Variants in UNC5D observed in about 807,000 individuals in gnomAD.
UNC5D encodes unc-5 netrin receptor D.
UNC5D carries 39 observed loss-of-function variants against 105.4 expected under a neutral mutation model. That is an observed-to-expected ratio of 0.37 (90% CI 0.29 to 0.48). The LOEUF (loss-of-function observed/expected upper bound fraction) is 0.48. Among genes scored for constraint, UNC5D ranks in the 20% least tolerant of loss-of-function variants. The pLI is 0.98. For missense variants in UNC5D, 991 were observed against 1,202.4 expected (o/e 0.82, Z 2.60); for synonymous variants, 452 against 450.4 (o/e 1.00, Z -0.04).
chr8:35,742,504 C>T (rs1446790778), intron 11 of UNC5D, among the ~76,000 whole-genome samples: 1 of 152,086 alleles, frequency 6.6e-6, no homozygotes, highest in African/African-American at 2.4e-5. Context: ...TATCATTACT[C>T]TCCTGCCTGG....
intron 3 of UNC5D, among the ~76,000 whole-genome samples, chr8:35,570,876 T>A (rs1280285054): frequency 6.6e-6 from 1 of 151,978 alleles, no homozygotes; most frequent in Non-Finnish European, 1.5e-5. Context: ...GAGAATCACT[T>A]GAACCCGGGA....
intron 1 of UNC5D, among the ~76,000 whole-genome samples, chr8:35,361,838 T>C (rs1230383229): frequency 6.6e-6 from 1 of 152,156 alleles, no homozygotes; most frequent in Non-Finnish European, 1.5e-5. Context: ...ACAGCCCAAA[T>C]GAGTAAAAGA....
chr8:35,478,074 T>C (rs1810240269), intron 1 of UNC5D, among the ~76,000 whole-genome samples: 1 of 152,192 alleles, frequency 6.6e-6, no homozygotes. Flanking sequence ...ATTCATGCAC[T>C]GACCAATTCT....
chr8:35,721,976 C>A (rs1828607130), intron 8 of UNC5D, among the ~76,000 whole-genome samples: 1 of 152,220 alleles, frequency 6.6e-6, no homozygotes, highest in Non-Finnish European at 1.5e-5. Flanking sequence ...CTATTACATG[C>A]TAAGCTACCT....
intron 1 of UNC5D, among the ~76,000 whole-genome samples, chr8:35,461,825 T>C (rs1808915646): frequency 6.6e-6 from 1 of 152,158 alleles, no homozygotes. Context: ...GTGATAAGAA[T>C]TGAAATTAGA....
Position 35,759,453 on chromosome 8 carries a change from CA to C in UNC5D, c.2298del (p.Phe767SerfsTer59). 6.2e-7 allele frequency: 1 copy of C among 1,613,534 alleles called. No homozygotes were observed. The highest frequency in any genetic ancestry group is 8.5e-7 in the Non-Finnish European group (1 of 1,179,838). ...DIPPFLWRIK[P>X]FTACQEVPFS... ...CCCCCATTCCTCTGGAGAATTAAAC[CA>C]TTCACTGCCTGCCAGGTACTGGCCA... On this transcript the variant is annotated frameshift_variant, in exon 14 of 17. Coordinates refer to ENST00000404895, the MANE Select transcript of UNC5D (RefSeq NM_080872.4). LOFTEE classifies it high-confidence loss of function.
chr8:35,235,958 C>A, intron 1 of UNC5D, 71 bp downstream of exon 1: 1 of 1,189,640 alleles, frequency 8.4e-7, no homozygotes, highest in Non-Finnish European at 1.1e-6. Context: ...GCGGGACCTG[C>A]ACCGATGGCG....
intron 16 of UNC5D, among the ~76,000 whole-genome samples, chr8:35,782,502 A>ATTT (rs939339572): frequency 2.9e-5 from 4 of 138,202 alleles, no homozygotes; most frequent in East Asian, 2.1e-4. Flanking sequence ...CTACTCAAAA[A>ATTT]TTTTTTTTTT....
intron 3 of UNC5D, among the ~76,000 whole-genome samples, chr8:35,578,416 A>G (rs929556911): frequency 6.6e-6 from 1 of 152,142 alleles, no homozygotes; most frequent in African/African-American, 2.4e-5. Context: ...TGCTGTCTAC[A>G]TGTGGGATAC....
intron 1 of UNC5D, among the ~76,000 whole-genome samples, chr8:35,285,185 T>C (rs1460434677): frequency 2.6e-5 from 4 of 152,198 alleles, no homozygotes; most frequent in African/African-American, 7.2e-5. Context: ...TAGGCAGATA[T>C]GAAACTGCTT....
intron 1 of UNC5D, among the ~76,000 whole-genome samples, chr8:35,490,193 T>C (rs1811113799): frequency 6.6e-6 from 1 of 152,258 alleles, no homozygotes; most frequent in African/African-American, 2.4e-5. Flanking sequence ...TACAGAAATG[T>C]CTTCTTTTGG....
At chr8:35,643,363 A>G (rs1267505888) in intron 4 of UNC5D, among the ~76,000 whole-genome samples, 1 of 151,982 alleles carries the variant, frequency 6.6e-6, no homozygotes, top group Non-Finnish European at 1.5e-5. Flanking sequence ...AAGCTCTGCA[A>G]TTGAGATTTT....
At chr8:35,445,919 G>A (rs1385477351) in intron 1 of UNC5D, among the ~76,000 whole-genome samples, 1 of 151,974 alleles carries the variant, frequency 6.6e-6, no homozygotes, top group East Asian at 1.9e-4. Flanking sequence ...AATTGAACTG[G>A]TGGCCATTAT....
At chr8:35,652,168 T>G (rs1419423830) in intron 4 of UNC5D, among the ~76,000 whole-genome samples, 1 of 152,204 alleles carries the variant, frequency 6.6e-6, no homozygotes, top group Non-Finnish European at 1.5e-5. Context: ...TATTTTCAAA[T>G]TTCCGACTTT....
intron 1 of UNC5D, among the ~76,000 whole-genome samples, chr8:35,364,705 T>C (rs1394059975): frequency 6.6e-6 from 1 of 152,174 alleles, no homozygotes; most frequent in African/African-American, 2.4e-5. Context: ...CCTATCAGTA[T>C]ATATACTAAA....
At chr8:35,552,613 A>C (rs139054772) in intron 2 of UNC5D, among the ~76,000 whole-genome samples, 1 of 152,348 alleles carries the variant, frequency 6.6e-6, no homozygotes, top group Non-Finnish European at 1.5e-5. Context: ...TATAGCAAGC[A>C]ATGGTAGACA....
chr8:35,379,458 A>C lies in UNC5D; in HGVS notation c.103+143571A>C, dbSNP rs1802894142. The stretch of plus-strand genomic sequence containing the variant: ...CCCTAAGAGACTGAGTGACCGAGCC[A>C]CATGATTCTACCATATCTAGAGATG... On this transcript the variant is annotated intron_variant, in intron 1 of 16. Coordinates refer to ENST00000404895, the MANE Select transcript of UNC5D (RefSeq NM_080872.4). Among the ~76,000 whole-genome samples, 3 of 152,302 alleles carry C rather than the reference A, an allele frequency of 2.0e-5. No individual in the cohort carries two copies. In the South Asian group the frequency reaches 6.2e-4, roughly 32 times the overall value.
intron 2 of UNC5D, among the ~76,000 whole-genome samples, chr8:35,565,128 A>G (rs1019939507): frequency 6.6e-6 from 1 of 152,174 alleles, no homozygotes; most frequent in African/African-American, 2.4e-5. Flanking sequence ...TTACTGGATC[A>G]AGTGGTAGAT....
chr8:35,571,768 T>C (rs896330651), intron 3 of UNC5D, among the ~76,000 whole-genome samples: 1 of 152,226 alleles, frequency 6.6e-6, no homozygotes, highest in African/African-American at 2.4e-5. Flanking sequence ...TTCACTATGT[T>C]TCTTCTTTTA....
Sources: allele counts gnomAD v4.1 joint callset (sites outside exome capture counted in the v4.1 genomes callset), GRCh38; gene constraint gnomAD v4.1.1; transcripts MANE v1.5; gene names NCBI Gene and HGNC (gene_info 2026-07-23, HGNC 2026-07-21).